MAGI2: variants seen among roughly 807,000 people sequenced by gnomAD.
The protein encoded by MAGI2 is membrane-associated guanylate kinase, WW and PDZ domain-containing protein 2.
Under a neutral mutation model 133.3 loss-of-function variants are expected in MAGI2, and 35 were observed. The observed-to-expected ratio is 0.26, with a 90% confidence interval of 0.20 to 0.35. The LOEUF is 0.35. MAGI2 is among the 10% of genes least tolerant of loss of function. MAGI2 has a pLI of 1.00. For missense variants in MAGI2, 1,636 were observed against 1,863.4 expected (o/e 0.88, Z 2.25); for synonymous variants, 729 against 710.6 (o/e 1.03, Z -0.41).
chr7:78,831,813 G>A (rs1330518097), intron 2 of MAGI2, among the ~76,000 whole-genome samples: 1 of 152,110 alleles, frequency 6.6e-6, no homozygotes, highest in African/African-American at 2.4e-5. Context: ...AAGATAAATT[G>A]TTCTAATTGA....
rs117158917 is a variant in MAGI2, at chr7:79,215,424, T to C, written c.302-208218A>G. Among the ~76,000 whole-genome samples the C allele has an allele frequency of 2.8e-4, 42 of 152,176 alleles. No individual in the cohort carries two copies. The East Asian group carries it at 7.9e-3, about 29-fold the overall frequency. ...AGAAATGAAGAGTCTGGCACCTTTTTAAGTCTGATAAGAAACATTTACCAT... is the reference window on the plus strand; with the variant it reads ...AGAAATGAAGAGTCTGGCACCTTTTCAAGTCTGATAAGAAACATTTACCAT... On this transcript the variant is annotated intron_variant, in intron 1 of 21. Transcript: ENST00000354212.
In MAGI2 at chr7:79,209,718, A is replaced by C. The variant is rs145880585; in HGVS notation, c.302-202512T>G. On this transcript the variant is annotated intron_variant, in intron 1 of 21. Coordinates refer to ENST00000354212, the MANE Select transcript of MAGI2 (RefSeq NM_012301.4). ...TCTCTTTTCTGTATATTGTGAACAC[A>C]ACTCCACATAATTCATATTTCTAAG... Among the ~76,000 whole-genome samples, 306 of 152,210 alleles carry C rather than the reference A, an allele frequency of 2.0e-3. 1 individual carries two copies. Among genetic ancestry groups the C allele is most frequent in the Non-Finnish European group, 3.4e-3 (229 of 68,038 alleles).
At chr7:78,930,333 T>C (rs1292391795) in intron 2 of MAGI2, among the ~76,000 whole-genome samples, 1 of 152,142 alleles carries the variant, frequency 6.6e-6, no homozygotes, top group Non-Finnish European at 1.5e-5. Context: ...GGAACTCTAA[T>C]TGTCTTCAGT....
At chr7:78,059,693 T>C in intron 21 of MAGI2, among the ~76,000 whole-genome samples, 1 of 152,092 alleles carries the variant, frequency 6.6e-6, no homozygotes, top group South Asian at 2.1e-4. Context: ...GTTTGTACTC[T>C]CTTATTCTAA....
Position 79,033,104 on chromosome 7 carries a change from A to G in MAGI2, c.302-25898T>C, listed in dbSNP as rs1456005655. Among the ~76,000 whole-genome samples, 5 of 152,114 alleles carry G rather than the reference A, an allele frequency of 3.3e-5. No homozygotes were observed. In the East Asian group the frequency reaches 9.7e-4, roughly 29 times the overall value. ...TGAGGTATGCTCTTGGATCTGTTCT[A>G]TCTATGGAACTCTTCTTTTGCTTCT... On this transcript the variant is annotated intron_variant, in intron 1 of 21. Transcript: ENST00000354212.
chr7:79,235,402 G>A (rs926357943), intron 1 of MAGI2, among the ~76,000 whole-genome samples: 13 of 151,186 alleles, frequency 8.6e-5, no homozygotes, highest in Non-Finnish European at 1.2e-4. Context: ...CCTCGCTGCC[G>A]CCTTGCAGTT....
intron 2 of MAGI2, among the ~76,000 whole-genome samples, chr7:78,675,864 T>C (rs1283945632): frequency 6.6e-6 from 1 of 152,108 alleles, no homozygotes; most frequent in African/African-American, 2.4e-5. Flanking sequence ...GACAGGATTG[T>C]AGGATGTGTC....
intron 2 of MAGI2, among the ~76,000 whole-genome samples, chr7:78,678,195 C>T (rs1815261072): frequency 6.6e-6 from 1 of 152,076 alleles, no homozygotes; most frequent in African/African-American, 2.4e-5. Context: ...ATGAATTTCA[C>T]CTTTTATTTA....
intron 6 of MAGI2, among the ~76,000 whole-genome samples, chr7:78,469,503 T>G (rs1990580): frequency 3.9e-5 from 6 of 151,930 alleles, no homozygotes; most frequent in African/African-American, 1.2e-4. Context: ...AAGCTATCCT[T>G]AGTCCATACT....
chr7:78,629,466 C>T (rs1808733782), intron 2 of MAGI2, among the ~76,000 whole-genome samples: 1 of 151,990 alleles, frequency 6.6e-6, no homozygotes, highest in Non-Finnish European at 1.5e-5. Flanking sequence ...CCTGATGTTC[C>T]CCAAATCTGG....
At chr7:79,221,694 T>C (rs1830458357) in intron 1 of MAGI2, among the ~76,000 whole-genome samples, 1 of 152,040 alleles carries the variant, frequency 6.6e-6, no homozygotes, top group African/African-American at 2.4e-5. Context: ...GAAGTTTCAA[T>C]GTGTCATTGA....
chr7:79,451,309 C>T (rs1346590463), intron 1 of MAGI2, among the ~76,000 whole-genome samples: 1 of 152,174 alleles, frequency 6.6e-6, no homozygotes, highest in Non-Finnish European at 1.5e-5. Context: ...GCCAACAAAA[C>T]CATGGTCATT....
chr7:79,171,764 ATATATATTT>A (rs1430106382), intron 1 of MAGI2, among the ~76,000 whole-genome samples: 5 of 24,792 alleles, frequency 2.0e-4, no homozygotes, highest in African/African-American at 4.8e-4. Flanking sequence ...ATATATATAT[ATATATATTT>A]TTTTTTTTTT....
At chr7:78,436,856 G>A (rs930281343) in intron 6 of MAGI2, among the ~76,000 whole-genome samples, 1 of 152,180 alleles carries the variant, frequency 6.6e-6, no homozygotes, top group African/African-American at 2.4e-5. Flanking sequence ...CAAATAGTCT[G>A]TTCTGAGATA....
At chr7:78,990,821 A>C (rs558063616) in intron 2 of MAGI2, among the ~76,000 whole-genome samples, 1 of 151,646 alleles carries the variant, frequency 6.6e-6, no homozygotes, top group African/African-American at 2.4e-5. Context: ...AACTAAACGT[A>C]AGTTTTCCAT....
chr7:79,080,048 G>T (rs145625279), intron 1 of MAGI2, among the ~76,000 whole-genome samples: 54 of 152,218 alleles, frequency 3.5e-4, no homozygotes, highest in South Asian at 3.1e-3. Context: ...TGTAGACTGA[G>T]ATCTCAGACA....
At chr7:78,329,072 G>A (rs138147747) in intron 9 of MAGI2, among the ~76,000 whole-genome samples, 43 of 152,178 alleles carry the variant, frequency 2.8e-4, no homozygotes, top group African/African-American at 1.0e-3. Context: ...TACAGAGTTT[G>A]ATTTTCCAGC....
rs1240339032 is a variant in MAGI2, at chr7:78,682,817, G to A, written c.419-55578C>T. The stretch of plus-strand genomic sequence containing the variant: ...AAGGATTATAAATCATTGTACTATT[G>A]ATGAACTCTTAAGGGTAACTTTTCC... On this transcript the variant is annotated intron_variant, in intron 2 of 21. Coordinates refer to ENST00000354212, the MANE Select transcript of MAGI2 (RefSeq NM_012301.4). 2.0e-5 allele frequency among the ~76,000 whole-genome samples: 3 copies of A among 152,088 alleles called. No homozygotes were observed. The East Asian group carries it at 5.8e-4, about 29-fold the overall frequency.
At chr7:78,841,730 A>T (rs1427247150) in intron 2 of MAGI2, among the ~76,000 whole-genome samples, 1 of 152,060 alleles carries the variant, frequency 6.6e-6, no homozygotes, top group Non-Finnish European at 1.5e-5. Context: ...GTGAATAGAA[A>T]TTCCATGCTC....
Sources: gnomAD v4.1 joint callset for allele counts (sites outside exome capture counted in the v4.1 genomes callset) on GRCh38, gnomAD v4.1.1 for gene constraint, MANE v1.5 for transcripts, NCBI Gene and HGNC (gene_info 2026-07-23, HGNC 2026-07-21) for gene names.